The following LAMA2 variants were observed in gnomAD, a reference collection of about 807,000 sequenced individuals.
The protein encoded by LAMA2 is laminin subunit alpha-2.
Under a neutral mutation model 364.8 loss-of-function variants are expected in LAMA2, and 269 were observed. That is an observed-to-expected ratio of 0.74 (90% confidence interval 0.67 to 0.82). LAMA2 has a LOEUF of 0.82. Among genes scored for constraint, LAMA2 ranks in the 40% least tolerant of loss-of-function variants. LAMA2 has a pLI of 0.00. For synonymous variants in LAMA2, 1,379 were observed against 1,370.6 expected, an observed-to-expected ratio of 1.01 and a Z score of -0.14; for missense variants, 3,807 against 3,873.2, an observed-to-expected ratio of 0.98 and a Z score of 0.45.
At chr6:129,200,285 C>T (rs536916009) in intron 12 of LAMA2, among the ~76,000 whole-genome samples, 6 of 136,256 alleles carry the variant, frequency 4.4e-5, no homozygotes, top group East Asian at 2.2e-4. Context: ...TATATATATA[C>T]GTGTACACAT....
chr6:129,114,063 A>G (rs904117198), intron 4 of LAMA2, among the ~76,000 whole-genome samples: 3 of 152,034 alleles, frequency 2.0e-5, no homozygotes, highest in Non-Finnish European at 4.4e-5. Context: ...CAAGGATACT[A>G]AAATTTGTTT....
At chr6:129,029,750 A>G (rs1225001883) in intron 1 of LAMA2, among the ~76,000 whole-genome samples, 1 of 152,058 alleles carries the variant, frequency 6.6e-6, no homozygotes, top group Non-Finnish European at 1.5e-5. Context: ...AACTATGGAA[A>G]TGATTGTAGC....
Position 129,374,473 on chromosome 6 carries a change from C to G in LAMA2, c.4959+4483C>G, listed in dbSNP as rs180781856. ...GGTAGAGTCAGACCACTGGGATATT[C>G]AAGAACTCCCCAGATTATACTGATA... On this transcript the variant is annotated intron_variant, in intron 34 of 64. Transcript: ENST00000421865. 4.6e-5 allele frequency among the ~76,000 whole-genome samples: 7 copies of G among 152,250 alleles called. No homozygotes were observed. In the East Asian group the frequency reaches 1.3e-3, roughly 29 times the overall value.
At chr6:129,232,458 G>A (rs894662075) in intron 12 of LAMA2, among the ~76,000 whole-genome samples, 4 of 151,928 alleles carry the variant, frequency 2.6e-5, no homozygotes, top group Admixed American at 1.3e-4. Context: ...AGACTGTGGG[G>A]CCATCCTATA....
At chr6:129,400,151 G>C (rs1779887844) in intron 37 of LAMA2, among the ~76,000 whole-genome samples, 1 of 152,134 alleles carries the variant, frequency 6.6e-6, no homozygotes, top group Non-Finnish European at 1.5e-5. Flanking sequence ...TCCTCACATG[G>C]TAAAAGGATG....
chr6:128,894,254 T>C (rs1315620716), intron 1 of LAMA2, among the ~76,000 whole-genome samples: 3 of 152,160 alleles, frequency 2.0e-5, no homozygotes, highest in Non-Finnish European at 4.4e-5. Context: ...AAGATACTGA[T>C]TTACTAGTTA....
At chr6:129,044,302 A>G (rs1787314816) in intron 1 of LAMA2, among the ~76,000 whole-genome samples, 2 of 152,156 alleles carry the variant, frequency 1.3e-5, no homozygotes, top group South Asian at 4.1e-4. Flanking sequence ...TAGAACCTCC[A>G]TAAGTAGATT....
At chr6:129,359,481 T>G (rs969708248) in intron 32 of LAMA2, among the ~76,000 whole-genome samples, 12 of 151,796 alleles carry the variant, frequency 7.9e-5, no homozygotes, top group African/African-American at 2.7e-4. Flanking sequence ...GAGAAGATAT[T>G]TATTTTAAAA....
chr6:129,181,555 A>G, intron 10 of LAMA2, among the ~76,000 whole-genome samples: 1 of 152,018 alleles, frequency 6.6e-6, no homozygotes, highest in South Asian at 2.1e-4. Flanking sequence ...GAAATGAAAA[A>G]AATATGCAGT....
intron 18 of LAMA2, among the ~76,000 whole-genome samples, chr6:129,280,700 T>C (rs1788656373): frequency 6.6e-6 from 1 of 152,218 alleles, no homozygotes; most frequent in Non-Finnish European, 1.5e-5. Context: ...AACAAGAGTA[T>C]TATTTTATGT....
At chr6:129,143,757 A>G in intron 4 of LAMA2, 144 bp from the exon 5 acceptor site, 1 of 633,498 alleles carries the variant, frequency 1.6e-6, no homozygotes, top group South Asian at 1.9e-5. Context: ...ACTTCACTAG[A>G]TGCCAGTGCA....
In LAMA2 at chr6:129,264,270, CA is replaced by C. The variant is rs778797190; in HGVS notation, c.2209-2835del. Among the ~76,000 whole-genome samples, 11 of 151,788 alleles carry C rather than the reference CA, an allele frequency of 7.2e-5. No homozygotes were observed. In the East Asian group the frequency reaches 1.8e-3, roughly 24 times the overall value. On this transcript the variant is annotated intron_variant, in intron 15 of 64. Transcript: ENST00000421865. Reference sequence around the variant, plus strand: ...GACTTACTGATTCGAGACTGTATGTCAGGGGAGAGATTAAAGAAATAAAGAG... The same window carrying C: ...GACTTACTGATTCGAGACTGTATGTCGGGGAGAGATTAAAGAAATAAAGAG...
In LAMA2 at chr6:129,513,780, A is replaced by G. The variant is rs149866674; in HGVS notation, c.8989-593A>G. 5.3e-5 allele frequency among the ~76,000 whole-genome samples: 8 copies of G among 152,272 alleles called. No homozygotes were observed. The East Asian group carries it at 1.5e-3, about 29-fold the overall frequency. On this transcript the variant is annotated intron_variant, in intron 63 of 64. Coordinates refer to ENST00000421865, the MANE Select transcript of LAMA2 (RefSeq NM_000426.4). ...CTTCTAGTCTAAGTTCTTCATTGTT[A>G]GGAATTTAACTGGCCTTCTGGCTCA... is the stretch of plus-strand genomic sequence containing the variant.
chr6:129,316,108 T>C lies in LAMA2; in HGVS notation c.3995T>C (p.Ile1332Thr), dbSNP rs763128658. The C allele has an allele frequency of 3.7e-6, 6 of 1,608,118 alleles. No homozygotes were observed. The highest frequency in any genetic ancestry group is 4.3e-6 in the Non-Finnish European group (5 of 1,174,658). The change falls in exon 27 of 65, where the codon ATA (isoleucine) becomes ACA (threonine). Residue 1332 changes from isoleucine to threonine, a missense_variant. Ile to Thr is a moderately conservative substitution (Grantham distance 89). Transcript: ENST00000421865. ...RTVTREDFLD[I>T]LYDIHYILIK... ...GTGACCCGAGAAGACTTCTTGGATA[T>C]ACTATATGATATTCATTACATTCTT... is the stretch of plus-strand genomic sequence containing the variant.
intron 1 of LAMA2, among the ~76,000 whole-genome samples, chr6:129,006,693 T>C (rs557488020): frequency 6.6e-6 from 1 of 152,284 alleles, no homozygotes; most frequent in African/African-American, 2.4e-5. Context: ...CTGTCATTCC[T>C]GCTTAATACT....
intron 55 of LAMA2, among the ~76,000 whole-genome samples, chr6:129,483,058 C>T (rs1359147950): frequency 7.8e-6 from 1 of 128,468 alleles, no homozygotes; most frequent in Non-Finnish European, 1.6e-5. Context: ...CAATGTGAGA[C>T]TCCGACTCGA....
chr6:129,504,341 A>C (rs2114896445), intron 60 of LAMA2, among the ~76,000 whole-genome samples: 1 of 152,346 alleles, frequency 6.6e-6, no homozygotes, highest in Non-Finnish European at 1.5e-5. Flanking sequence ...AACCACAATG[A>C]GGCTGGGATT....
chr6:128,920,252 G>T (rs1283739260), intron 1 of LAMA2, among the ~76,000 whole-genome samples: 1 of 151,872 alleles, frequency 6.6e-6, no homozygotes, highest in Non-Finnish European at 1.5e-5. Flanking sequence ...CCACCTCCCG[G>T]GTTCAAGCGA....
At chr6:129,230,833 C>T (rs1784632055) in intron 12 of LAMA2, among the ~76,000 whole-genome samples, 1 of 151,986 alleles carries the variant, frequency 6.6e-6, no homozygotes, top group African/African-American at 2.4e-5. Flanking sequence ...AATAATTGAC[C>T]ATGGAATCTA....
Sources: gnomAD v4.1 joint callset for allele counts (sites outside exome capture counted in the v4.1 genomes callset) on GRCh38, gnomAD v4.1.1 for gene constraint, MANE v1.5 for transcripts, NCBI Gene and HGNC (gene_info 2026-07-23, HGNC 2026-07-21) for gene names.